DYNC2I2: variants seen among roughly 807,000 people sequenced by gnomAD.
The protein encoded by DYNC2I2 is cytoplasmic dynein 2 intermediate chain 2.
In DYNC2I2, 39 loss-of-function variants were observed where a neutral mutation model predicts 52.0. The ratio of observed to expected loss-of-function variants is 0.75; its 90% confidence interval spans 0.58 to 0.98. The LOEUF (loss-of-function observed/expected upper bound fraction) is 0.98, where lower values mean the gene tolerates loss of function less well. Ranked by LOEUF, DYNC2I2 falls within the 50% of genes least tolerant of loss-of-function variation. The probability of loss-of-function intolerance (pLI) is 0.00; values close to 1 mark genes in which losing one functional copy is unlikely to be tolerated. For missense variants in DYNC2I2, 743 were observed against 728.4 expected (o/e 1.02, Z -0.23); for synonymous variants, 359 against 321.1 (o/e 1.12, Z -1.26).
At chr9:128,636,481 G>A in intron 3 of DYNC2I2, 43 bp from the exon 4 acceptor site, 1 of 1,557,754 alleles carries the variant, frequency 6.4e-7, no homozygotes, top group Non-Finnish European at 8.6e-7. Flanking sequence ...CCTGGGTGGG[G>A]CTCCTATCAC....
At chr9:128,677,080 C>T in the DYNC2I2 span, among the ~76,000 whole-genome samples, 7 of 151,054 alleles carry the variant, frequency 4.6e-5, no homozygotes, top group East Asian at 1.2e-3. Flanking sequence ...GATCTCCTGA[C>T]CTCGTGATCC....
At chr9:128,676,803 G>A in the DYNC2I2 span, among the ~76,000 whole-genome samples, 19 of 150,900 alleles carry the variant, frequency 1.3e-4, no homozygotes, top group Non-Finnish European at 2.4e-4. Context: ...CAAGTGTGGG[G>A]ATTACAGGCC....
chr9:128,679,430 T>C, the DYNC2I2 span, among the ~76,000 whole-genome samples: 1 of 152,144 alleles, frequency 6.6e-6, no homozygotes, highest in Non-Finnish European at 1.5e-5. Context: ...ATTGAGGTCA[T>C]TGACTTATGA....
chr9:128,683,842 G>A, the DYNC2I2 span: 15 of 1,456,374 alleles, frequency 1.0e-5, no homozygotes, highest in Middle Eastern at 2.4e-4. Flanking sequence ...TGTTCAGCCT[G>A]CTTCCGGACG....
intron 4 of DYNC2I2, 157 bp from the exon 5 acceptor site, chr9:128,635,924 C>G (rs1220731286): frequency 1.4e-6 from 1 of 720,724 alleles, no homozygotes; most frequent in Non-Finnish European, 2.4e-6. Context: ...AGTCCTAGCC[C>G]CCAGCTCCCC....
chr9:128,667,382 G>C, the DYNC2I2 span, among the ~76,000 whole-genome samples: 1 of 151,830 alleles, frequency 6.6e-6, no homozygotes, highest in Non-Finnish European at 1.5e-5. Flanking sequence ...ATGGTGTGCA[G>C]TGGCACAATC....
chr9:128,636,100 T>A (rs1254924985), intron 4 of DYNC2I2, 181 bp downstream of exon 4: 2 of 980,336 alleles, frequency 2.0e-6, no homozygotes, highest in Admixed American at 4.0e-5. Flanking sequence ...TCCAGACTCC[T>A]CCCCCGAGTT....
Position 128,633,778 on chromosome 9 carries a change from T to A in DYNC2I2, c.1577A>T (p.Asp526Val). 6.2e-7 allele frequency: 1 copy of A among 1,613,494 alleles called. No homozygotes were observed. Among genetic ancestry groups the A allele is most frequent in the Non-Finnish European group, 8.5e-7 (1 of 1,180,028 alleles). ...FTEQGPREAEDLDCLAAEVAA is the reference protein window; with the variant it reads ...FTEQGPREAEVLDCLAAEVAA ...CACCTCTGCTGCCAGGCAGTCCAGG[T>A]CCTCAGCTTCCCGGGGCCCTTGTTC... Residue 526 changes from aspartate (D) to valine (V), a missense_variant, in exon 9 of 9, where the codon GAC (aspartate) becomes GTC (valine). Physicochemically the swap from Asp to Val is radical, Grantham distance 152. Coordinates refer to ENST00000372715, the MANE Select transcript of DYNC2I2 (RefSeq NM_052844.4).
chr9:128,641,053 C>T, intron 1 of DYNC2I2, 114 bp from the exon 2 acceptor site: 1 of 1,431,748 alleles, frequency 7.0e-7, no homozygotes, highest in Non-Finnish European at 9.2e-7. Context: ...GGGTCTCAGG[C>T]TAGGGGCCTC....
chr9:128,662,705 G>A, the DYNC2I2 span, among the ~76,000 whole-genome samples: 1 of 152,104 alleles, frequency 6.6e-6, no homozygotes, highest in South Asian at 2.1e-4. Flanking sequence ...TCAGCCTACA[G>A]AGTAGCTGGG....
In DYNC2I2 at chr9:128,656,554, A is replaced by C. The variant is rs763670176; in HGVS notation, c.173T>G (p.Ile58Ser). ...CCGCGCCCTCACCGTCTCCCAGCGG[A>C]TGCCCTGGACGGCCCTCCACTGCGA... ...VPSQWRAVQG[I>S]RWETKSCQTA... The change falls in exon 1 of 9, where the codon ATC becomes AGC. Residue 58 changes from isoleucine (I) to serine (S), a missense_variant. Transcript: ENST00000372715. 6 of 1,432,752 alleles carry C rather than the reference A, an allele frequency of 4.2e-6. 1 individual carries two copies. The South Asian group carries it at 8.3e-5, about 20-fold the overall frequency. 88.8% of individuals were successfully genotyped at this position (1,432,752 alleles called of 1,614,324 possible). A position where few individuals can be genotyped will look rare whatever the true frequency, so the allele number is the denominator to read the frequency against.
the DYNC2I2 span, among the ~76,000 whole-genome samples, chr9:128,684,216 A>G: frequency 1.3e-5 from 2 of 151,912 alleles, no homozygotes; most frequent in Non-Finnish European, 2.9e-5. Context: ...CCTGCCCCCA[A>G]CTCAACACTG....
the DYNC2I2 span, among the ~76,000 whole-genome samples, chr9:128,682,789 C>A: frequency 6.2e-4 from 93 of 150,714 alleles, no homozygotes; most frequent in African/African-American, 2.3e-3. Flanking sequence ...CATTCTCCTG[C>A]CTCAGCCTCG....
chr9:128,660,106 TTTTTA>T (rs1294977021), upstream of DYNC2I2, among the ~76,000 whole-genome samples: 8 of 151,312 alleles, frequency 5.3e-5, no homozygotes, highest in Admixed American at 5.3e-4. Flanking sequence ...ATTATTATTA[TTTTTA>T]TTTTATTTTA....
the DYNC2I2 span, among the ~76,000 whole-genome samples, chr9:128,668,865 T>C: frequency 6.8e-6 from 1 of 146,990 alleles, no homozygotes; most frequent in African/African-American, 2.5e-5. Context: ...GTGCCTTGAA[T>C]ACATAGAAAT....
upstream of DYNC2I2, among the ~76,000 whole-genome samples, chr9:128,661,802 G>T (rs1020467049): frequency 3.9e-5 from 6 of 151,966 alleles, no homozygotes; most frequent in African/African-American, 1.4e-4. Context: ...AGCATTTTGG[G>T]AGGCCGAGGT....
At chr9:128,671,791 A>G in the DYNC2I2 span, among the ~76,000 whole-genome samples, 2 of 149,988 alleles carry the variant, frequency 1.3e-5, no homozygotes, top group Non-Finnish European at 3.0e-5. Context: ...AGCTGGGACT[A>G]CAGGTGCCCG....
intron 2 of DYNC2I2, among the ~76,000 whole-genome samples, chr9:128,638,178 A>G (rs999143398): frequency 2.0e-5 from 3 of 148,866 alleles, no homozygotes; most frequent in African/African-American, 7.5e-5. Flanking sequence ...CAGAGGTTGC[A>G]CTGCTGCTCT....
At chr9:128,673,986 T>G in the DYNC2I2 span, among the ~76,000 whole-genome samples, 5 of 151,626 alleles carry the variant, frequency 3.3e-5, no homozygotes, top group Admixed American at 6.6e-5. Flanking sequence ...TTTTGTATTT[T>G]GAGTAGAGAC....
Sources: allele counts gnomAD v4.1 joint callset (sites outside exome capture counted in the v4.1 genomes callset), GRCh38; gene constraint gnomAD v4.1.1; transcripts MANE v1.5; gene names NCBI Gene and HGNC (gene_info 2026-07-23, HGNC 2026-07-21).